The following DGKH variants were observed in gnomAD, a reference collection of about 807,000 sequenced individuals.
The protein encoded by DGKH is DAG kinase eta.
DGKH carries 90 observed loss-of-function variants against 159.3 expected under a neutral mutation model. The ratio of observed to expected loss-of-function variants is 0.57; its 90% CI spans 0.48 to 0.67. DGKH has a LOEUF of 0.67. Among genes scored for constraint, DGKH ranks in the 30% least tolerant of loss-of-function variants. DGKH has a pLI of 0.00. For synonymous variants in DGKH, 536 were observed against 553.8 expected, an observed-to-expected ratio of 0.97 and a Z score of 0.45; for missense variants, 1,181 against 1,506.1, an observed-to-expected ratio of 0.78 and a Z score of 3.57.
At chr13:42,080,166 G>C (rs1255917463) in intron 1 of DGKH, among the ~76,000 whole-genome samples, 1 of 152,132 alleles carries the variant, frequency 6.6e-6, no homozygotes, top group Admixed American at 6.5e-5. Context: ...TGGTAATTTA[G>C]ATTTCTTCCT....
intron 12 of DGKH, among the ~76,000 whole-genome samples, chr13:42,177,308 C>A (rs758826126): frequency 5.9e-5 from 9 of 152,088 alleles, no homozygotes; most frequent in Non-Finnish European, 1.3e-4. Flanking sequence ...TTTCTGGATT[C>A]TTTCACTCAA....
intron 13 of DGKH, among the ~76,000 whole-genome samples, chr13:42,185,173 A>G (rs988412025): frequency 7.9e-5 from 12 of 152,182 alleles, no homozygotes; most frequent in African/African-American, 2.6e-4. Flanking sequence ...TGTTTTAATA[A>G]CTCTACATTC....
At chr13:42,253,262 G>C (rs557743654) in intron 30 of DGKH, among the ~76,000 whole-genome samples, 1 of 151,970 alleles carries the variant, frequency 6.6e-6, no homozygotes, top group Non-Finnish European at 1.5e-5. Context: ...TGGAGTCCTC[G>C]AATGGGATTA....
At position 42,189,128 on chromosome 13, in the gene DGKH, C is replaced by T. The variant is rs755502479; in HGVS notation, c.1731C>T (p.Leu577=). ...AAPVLPGLSP[L]IVEEDAVESS... is the part of the protein sequence containing the mutation. ...CTGTTCTCCCTGGCCTCAGCCCTCTCATTGTGGAAGAAGATGCTGTGGAAT... is the reference window on the plus strand; with the variant it reads ...CTGTTCTCCCTGGCCTCAGCCCTCTTATTGTGGAAGAAGATGCTGTGGAAT... The change falls in exon 15 of 30, where the codon CTC becomes CTT. Residue 577 remains leucine (L), a synonymous_variant. Transcript: ENST00000337343. 5.0e-6 allele frequency: 8 copies of T among 1,614,246 alleles called. No individual in the cohort carries two copies. The South Asian group carries it at 8.8e-5, about 18-fold the overall frequency.
chr13:42,076,873 A>G (rs932051240), intron 1 of DGKH, among the ~76,000 whole-genome samples: 17 of 152,176 alleles, frequency 1.1e-4, no homozygotes, highest in Non-Finnish European at 2.5e-4. Flanking sequence ...GATGAGAAAG[A>G]AGTTATATAA....
chr13:42,173,968 T>C (rs1020514125), intron 11 of DGKH, 92 bp from the exon 12 acceptor site: 44 of 720,356 alleles, frequency 6.1e-5, no homozygotes, highest in Middle Eastern at 4.9e-4. Flanking sequence ...TGCGTGCGTG[T>C]GTGTGTGTGT....
chr13:42,221,461 T>A, intron 29 of DGKH, 67 bp downstream of exon 29: 1 of 1,582,998 alleles, frequency 6.3e-7, no homozygotes, highest in Non-Finnish European at 8.6e-7. Context: ...CTCCTGTGCC[T>A]CTTCTGATAC....
At chr13:42,050,675 C>G (rs1215666691) in intron 1 of DGKH, among the ~76,000 whole-genome samples, 1 of 148,506 alleles carries the variant, frequency 6.7e-6, no homozygotes, top group Non-Finnish European at 1.5e-5. Flanking sequence ...TAATGATGGG[C>G]AAAATGGCAG....
chr13:42,203,812 G>A (rs1364413896), intron 20 of DGKH, among the ~76,000 whole-genome samples: 10 of 152,058 alleles, frequency 6.6e-5, no homozygotes, highest in East Asian at 1.9e-4. Flanking sequence ...TATCCTGAGC[G>A]ACAGAGCAAG....
rs538369592 is a variant in DGKH at position 42,248,020 on chromosome 13, T to C, written n.4055-4389T>C. Among the ~76,000 whole-genome samples the C allele has an allele frequency of 1.1e-4, 16 of 152,266 alleles. 1 individual carries two copies. The East Asian group carries it at 2.1e-3, about 20-fold the overall frequency. On this transcript the variant is annotated intron_variant and non_coding_transcript_variant, in intron 29 of 30. Transcript: ENST00000498255. The stretch of plus-strand genomic sequence containing the variant: ...AATTCAGTTTAGCCTGTGTACAGTG[T>C]TTGTAAAGTCTACAGTAGTGCAAAG...
rs113403157 is a variant in DGKH, at chr13:42,229,052, T to G, written c.3574-47T>G. Reference sequence around the variant, plus strand: ...TTTAAAATTTTCTTTCTGTGTTTTTTCTTTCATTTTTAATTATTTCTACCT... The same window carrying G: ...TTTAAAATTTTCTTTCTGTGTTTTTGCTTTCATTTTTAATTATTTCTACCT... On this transcript the variant is annotated intron_variant, in intron 29 of 29. Transcript: ENST00000337343. 63 of 1,518,250 alleles carry G rather than the reference T, an allele frequency of 4.1e-5. 3 individuals carry two copies. In the African/African-American group the frequency reaches 5.9e-4, roughly 14 times the overall value. The allele number at this position is 1,518,250 out of a possible 1,614,324, so 94.0% of individuals were successfully genotyped here. A position where few individuals can be genotyped will look rare whatever the true frequency, so the allele number is the denominator to read the frequency against.
rs1457657155 is a variant in DGKH at position 42,209,016 on chromosome 13, A to G, written c.2659A>G (p.Ser887Gly). The G allele has an allele frequency of 1.2e-5, 19 of 1,613,068 alleles. No homozygotes were observed. The highest frequency in any genetic ancestry group is 1.4e-5 in the Non-Finnish European group (17 of 1,179,554). Residue 887 changes from serine to glycine, a missense_variant, in exon 22 of 30, where the codon AGC becomes GGC. Around this residue, in one of 5 missense-constraint regions of DGKH, gnomAD observed 335 missense variants for 495.2 expected, o/e 0.68. Coordinates refer to ENST00000337343, the MANE Select transcript of DGKH (RefSeq NM_178009.5). ...KILEVVAIFD[S>G]MQMAVSRVIK... is the part of the protein sequence containing the mutation. ...CCTGGAAGTTGTAGCAATATTTGAT[A>G]GCATGCAAATGGCAGTTTCAAGGGT...
chr13:42,202,888 A>G lies in DGKH; in HGVS notation c.2493+2979A>G, dbSNP rs142053410. Among the ~76,000 whole-genome samples, 11 of 152,322 alleles carry G rather than the reference A, an allele frequency of 7.2e-5. No homozygotes were observed. In the East Asian group the frequency reaches 1.5e-3, roughly 21 times the overall value. ...ATAATATACGTAATTTACATGGGTT[A>G]AGGAGACTGTTCTATTTATTAACTG... On this transcript the variant is annotated intron_variant, in intron 20 of 29. Coordinates refer to ENST00000337343, the MANE Select transcript of DGKH (RefSeq NM_178009.5).
rs752700573 is a variant in DGKH, at chr13:42,209,414, G to A, written c.2799G>A (p.Gly933=). The change falls in exon 23 of 30, where the codon GGG becomes GGA. Residue 933 remains glycine (G), a synonymous_variant. Transcript: ENST00000337343. ...VDGEAWVQPP[G]IIKIVHKNRA... is the part of the protein sequence containing the mutation. ...GTGAAGCGTGGGTTCAGCCTCCAGG[G>A]ATTATCAAAATTGTGCACAAAAACA... The A allele has an allele frequency of 5.6e-6, 9 of 1,613,384 alleles. No homozygotes were observed. In the South Asian group the frequency reaches 8.8e-5, roughly 16 times the overall value.
chr13:42,226,162 A>C (rs1224668193), intron 29 of DGKH, among the ~76,000 whole-genome samples: 1 of 152,210 alleles, frequency 6.6e-6, no homozygotes, highest in Non-Finnish European at 1.5e-5. Flanking sequence ...ATTTTTCAAA[A>C]GAAGACATGT....
intron 13 of DGKH, among the ~76,000 whole-genome samples, chr13:42,182,404 C>T (rs1956788849): frequency 6.6e-6 from 1 of 152,128 alleles, no homozygotes; most frequent in South Asian, 2.1e-4. Flanking sequence ...ATAGTCCTCC[C>T]TCTCTATCCA....
intron 28 of DGKH, among the ~76,000 whole-genome samples, chr13:42,220,383 C>T (rs1204188067): frequency 6.6e-6 from 1 of 152,210 alleles, no homozygotes; most frequent in African/African-American, 2.4e-5. Context: ...GCTGCTATTT[C>T]TCTCGTTCCT....
chr13:42,183,829 A>G (rs118159272), intron 13 of DGKH, among the ~76,000 whole-genome samples: 1 of 152,380 alleles, frequency 6.6e-6, no homozygotes, highest in East Asian at 1.9e-4. Flanking sequence ...TTTAGCTACA[A>G]TGTATGTCTC....
chr13:42,116,473 C>A (rs1475129562), intron 1 of DGKH, among the ~76,000 whole-genome samples: 2 of 152,166 alleles, frequency 1.3e-5, no homozygotes, highest in African/African-American at 4.8e-5. Flanking sequence ...TTCTGGAATT[C>A]TTGAAGGCAT....
Sources: gnomAD v4.1 joint callset for allele counts (sites outside exome capture counted in the v4.1 genomes callset) on GRCh38, gnomAD v4.1.1 for gene constraint, gnomAD v4.1.1 regional missense constraint, MANE v1.5 for transcripts, NCBI Gene and HGNC (gene_info 2026-07-23, HGNC 2026-07-21) for gene names.